The following PLAC8L1 variants were observed in gnomAD, a reference collection of about 807,000 sequenced individuals.
PLAC8L1 encodes PLAC8-like protein 1.
In PLAC8L1, 13 loss-of-function variants were observed where a neutral mutation model predicts 16.3. That is an observed-to-expected ratio of 0.80 (90% confidence interval 0.52 to 1.27). The LOEUF (loss-of-function observed/expected upper bound fraction) is 1.27, where lower values mean the gene tolerates loss of function less well. Ranked by LOEUF, PLAC8L1 falls within the 50% of genes most tolerant of loss-of-function variation. PLAC8L1 has a pLI of 0.00. For synonymous variants in PLAC8L1, 78 were observed against 79.3 expected (o/e 0.98, Z 0.09); for missense variants, 184 against 220.2 (o/e 0.84, Z 1.04).
At chr5:146,084,688 C>T (rs1034497037) in intron 3 of PLAC8L1, 116 bp from the exon 4 acceptor site, 3 of 1,353,544 alleles carry the variant, frequency 2.2e-6, no homozygotes, top group African/African-American at 2.9e-5. Context: ...GGTTCACCAA[C>T]ATCCTTAAGC....
intron 2 of PLAC8L1, among the ~76,000 whole-genome samples, chr5:146,091,891 G>GA (rs1580975119): frequency 6.6e-6 from 1 of 151,484 alleles, no homozygotes; most frequent in African/African-American, 2.4e-5. Context: ...TGTTACTAGT[G>GA]AAAAAAAATT....
intron 1 of PLAC8L1, among the ~76,000 whole-genome samples, chr5:146,102,827 A>G (rs1179405325): frequency 6.6e-6 from 1 of 152,226 alleles, no homozygotes; most frequent in African/African-American, 2.4e-5. Flanking sequence ...CCTCCATAAA[A>G]TTGGATTTAA....
At position 146,084,457 on chromosome 5, in the gene PLAC8L1, G is replaced by C. The variant is rs750280343; in HGVS notation, c.509C>G (p.Pro170Arg). ...TCAAACCAGGGTGTCCTTAGTCATT[G>C]GGACTGCACAGATTTCATAGACTTG... ...TSQVYEICAV[P>R]MTKDTLV Residue 170 changes from proline (P) to arginine (R), a missense_variant, in exon 4 of 4, where the codon CCA becomes CGA. Physicochemically the swap from Pro to Arg is moderately radical, Grantham distance 103 (BLOSUM62 -2). Coordinates refer to ENST00000311450, the MANE Select transcript of PLAC8L1 (RefSeq NM_001029869.3). The C allele has an allele frequency of 6.2e-6, 10 of 1,614,186 alleles. No homozygotes were observed. The highest frequency in any genetic ancestry group is 7.6e-6 in the Non-Finnish European group (9 of 1,180,022).
intron 2 of PLAC8L1, among the ~76,000 whole-genome samples, chr5:146,089,352 T>C (rs1580973149): frequency 6.6e-6 from 1 of 152,212 alleles, no homozygotes; most frequent in Non-Finnish European, 1.5e-5. Flanking sequence ...ATTTTTATTA[T>C]ATAATAGCTC....
chr5:146,094,944 C>T (rs935497610), intron 2 of PLAC8L1, among the ~76,000 whole-genome samples: 11 of 152,134 alleles, frequency 7.2e-5, no homozygotes, highest in African/African-American at 1.9e-4. Context: ...TCCCTTTGTT[C>T]CCAAGTCTGT....
At position 146,104,942 on chromosome 5, in the gene PLAC8L1, A is replaced by G. The variant is rs899236255; in HGVS notation, c.-631T>C. ...CATTAACTTCATTGATAATGCCAGG[A>G]AAGTGGCATTTCTTTCCTACCCAGT... On this transcript the variant is annotated 5_prime_UTR_variant, in exon 1 of 4. Coordinates refer to ENST00000311450, the MANE Select transcript of PLAC8L1 (RefSeq NM_001029869.3). 2 of 152,354 alleles carry G rather than the reference A, an allele frequency of 1.3e-5. No individual in the cohort carries two copies. Among genetic ancestry groups the G allele is most frequent in the African/African-American group, 4.8e-5 (2 of 41,464 alleles). 9.4% of individuals were successfully genotyped at this position (152,354 alleles called of 1,614,324 possible).
chr5:146,104,445 C>T lies in PLAC8L1; in HGVS notation c.-134G>A. 1 of 748,014 alleles carries T rather than the reference C, an allele frequency of 1.3e-6. No homozygotes were observed. The highest frequency in any genetic ancestry group is 2.3e-6 in the Non-Finnish European group (1 of 427,162). 46.3% of individuals were successfully genotyped at this position (748,014 alleles called of 1,614,324 possible). A position where few individuals can be genotyped will look rare whatever the true frequency, so the allele number is the denominator to read the frequency against. On this transcript the variant is annotated 5_prime_UTR_variant, in exon 1 of 4. An upstream start codon of the reference 5' UTR is lost. Coordinates refer to ENST00000311450, the MANE Select transcript of PLAC8L1 (RefSeq NM_001029869.3). ...CCCTTAATATTCTGGAACCTGAGGTCATAGCAGTGTAACTAACAGACATCT... is the reference window on the plus strand; with the variant it reads ...CCCTTAATATTCTGGAACCTGAGGTTATAGCAGTGTAACTAACAGACATCT...
chr5:146,098,686 T>G (rs1316411867), intron 1 of PLAC8L1, among the ~76,000 whole-genome samples: 3 of 152,226 alleles, frequency 2.0e-5, no homozygotes, highest in Non-Finnish European at 4.4e-5. Context: ...AAAAACTACC[T>G]CATGAGATTA....
chr5:146,085,932 T>A (rs1463219504), intron 2 of PLAC8L1, among the ~76,000 whole-genome samples: 2 of 152,066 alleles, frequency 1.3e-5, no homozygotes, highest in Non-Finnish European at 2.9e-5. Flanking sequence ...TTCATTATGT[T>A]CATCTATCTA....
At chr5:146,094,521 A>C (rs1368585729) in intron 2 of PLAC8L1, among the ~76,000 whole-genome samples, 1 of 152,234 alleles carries the variant, frequency 6.6e-6, no homozygotes, top group African/African-American at 2.4e-5. Context: ...TTATGAGTTG[A>C]TTACACCTTC....
intron 2 of PLAC8L1, among the ~76,000 whole-genome samples, chr5:146,096,014 G>C (rs1479893162): frequency 6.6e-6 from 1 of 152,116 alleles, no homozygotes; most frequent in Non-Finnish European, 1.5e-5. Context: ...CCACAAACTG[G>C]GTGGCTTAAA....
Position 146,092,535 on chromosome 5 carries a change from A to T in PLAC8L1, c.256+5621T>A, listed in dbSNP as rs1279942477. Among the ~76,000 whole-genome samples the T allele has an allele frequency of 3.8e-3, 378 of 100,386 alleles. 2 individuals carry two copies. Among genetic ancestry groups the T allele is most frequent in the African/African-American group, 0.014 (372 of 26,072 alleles). The allele number at this position is 100,386 out of a possible 152,430, so 65.9% of individuals were successfully genotyped here. A position where few individuals can be genotyped will look rare whatever the true frequency, so the allele number is the denominator to read the frequency against. On this transcript the variant is annotated intron_variant, in intron 2 of 3. Transcript: ENST00000311450. ...CATTCATACAATGGAATCTTTGCAG[A>T]TTTTTTTTTTTTTTTTTTTTTTTTG...
rs918938308 is a variant in PLAC8L1 at position 146,104,500 on chromosome 5, C to T, written c.-189G>A. 6.0e-5 allele frequency: 31 copies of T among 513,568 alleles called. No homozygotes were observed. In the Middle Eastern group the frequency reaches 3.6e-3, roughly 59 times the overall value. The allele number at this position is 513,568 out of a possible 1,614,324, so 31.8% of individuals were successfully genotyped here. On this transcript the variant is annotated 5_prime_UTR_variant, in exon 1 of 4. Transcript: ENST00000311450. ...TCTTTAAAAACAGGTATACACCTAACTGTGGACACATTCATCTTACTAATC... is the reference window on the plus strand; with the variant it reads ...TCTTTAAAAACAGGTATACACCTAATTGTGGACACATTCATCTTACTAATC...
In PLAC8L1 at chr5:146,104,792, G is replaced by C. The variant is rs1763884922; in HGVS notation, c.-481C>G. The C allele has an allele frequency of 6.4e-6, 1 of 155,566 alleles. No homozygotes were observed. The highest frequency in any genetic ancestry group is 1.4e-5 in the Non-Finnish European group (1 of 70,674). The allele number at this position is 155,566 out of a possible 1,614,324, so 9.6% of individuals were successfully genotyped here. On this transcript the variant is annotated 5_prime_UTR_variant, in exon 1 of 4. Transcript: ENST00000311450. Reference sequence around the variant, plus strand: ...AACCCAAAAGCAGGAGCAAAAAAAAGTCTTTCAGCGCAGGTATTGTATTTG... The same window carrying C: ...AACCCAAAAGCAGGAGCAAAAAAAACTCTTTCAGCGCAGGTATTGTATTTG...
chr5:146,089,751 T>A (rs1245965976), intron 2 of PLAC8L1, among the ~76,000 whole-genome samples: 1 of 151,460 alleles, frequency 6.6e-6, no homozygotes, highest in East Asian at 1.9e-4. Context: ...TTTTTTTTTT[T>A]TTTTTGAGAT....
At position 146,104,901 on chromosome 5, in the gene PLAC8L1, A is replaced by C. The variant is rs181011923; in HGVS notation, c.-590T>G. On this transcript the variant is annotated 5_prime_UTR_variant, in exon 1 of 4. Transcript: ENST00000311450. ...CTCAAAGCCTTTTCAGAACTTCTAG[A>C]AATTCTCTGCTCTTCCATTAACTTC... 6.6e-6 allele frequency: 1 copy of C among 152,422 alleles called. No individual in the cohort carries two copies. The highest frequency in any genetic ancestry group is 6.5e-5 in the Admixed American group (1 of 15,290). 9.4% of individuals were successfully genotyped at this position (152,422 alleles called of 1,614,324 possible).
At chr5:146,089,531 A>G (rs543900887) in intron 2 of PLAC8L1, among the ~76,000 whole-genome samples, 1 of 152,272 alleles carries the variant, frequency 6.6e-6, no homozygotes, top group Admixed American at 6.5e-5. Context: ...TCACACAATC[A>G]TCAGTGAAAG....
intron 2 of PLAC8L1, among the ~76,000 whole-genome samples, chr5:146,097,352 T>A (rs927166025): frequency 6.6e-6 from 1 of 151,826 alleles, no homozygotes; most frequent in South Asian, 2.1e-4. Flanking sequence ...AGGAAGGGAG[T>A]TTCTTTTTGT....
chr5:146,092,121 G>C (rs1157478185), intron 2 of PLAC8L1, among the ~76,000 whole-genome samples: 1 of 152,156 alleles, frequency 6.6e-6, no homozygotes, highest in Non-Finnish European at 1.5e-5. Context: ...CACAAAACCA[G>C]AGTGTGGAGC....
Sources: allele counts gnomAD v4.1 joint callset (sites outside exome capture counted in the v4.1 genomes callset), GRCh38; gene constraint gnomAD v4.1.1; transcripts MANE v1.5; gene names NCBI Gene and HGNC (gene_info 2026-07-23, HGNC 2026-07-21).